Variants in DOCK3 observed in about 807,000 individuals in gnomAD.
The protein encoded by DOCK3 is dedicator of cytokinesis 3, also known as dedicator of cytokinesis protein 3.
In DOCK3, 60 loss-of-function variants were observed where a neutral mutation model predicts 265.6. The ratio of observed to expected loss-of-function variants is 0.23; its 90% CI spans 0.18 to 0.28. The LOEUF (loss-of-function observed/expected upper bound fraction) is 0.28, where lower values mean the gene tolerates loss of function less well. Among genes scored for constraint, DOCK3 ranks in the 10% least tolerant of loss-of-function variants. The pLI is 1.00. For missense variants in DOCK3, 1,981 were observed against 2,594.3 expected (o/e 0.76, Z 5.14); for synonymous variants, 881 against 938.0 (o/e 0.94, Z 1.11).
intron 5 of DOCK3, among the ~76,000 whole-genome samples, chr3:50,970,422 T>G (rs892406224): frequency 2.6e-5 from 4 of 152,180 alleles, no homozygotes; most frequent in African/African-American, 9.6e-5. Context: ...ATTTGGAATA[T>G]TTATAACACA....
At chr3:51,221,190 C>T (rs1464270501) in intron 14 of DOCK3, among the ~76,000 whole-genome samples, 2 of 152,174 alleles carry the variant, frequency 1.3e-5, no homozygotes, top group South Asian at 2.1e-4. Flanking sequence ...CCATAAGCAC[C>T]TCTGAGTATT....
At chr3:50,745,025 C>G (rs937646599) in intron 1 of DOCK3, among the ~76,000 whole-genome samples, 3 of 152,078 alleles carry the variant, frequency 2.0e-5, no homozygotes, top group African/African-American at 7.2e-5. Flanking sequence ...TTTTTCAAGA[C>G]TGTTTGGCTA....
At position 51,064,502 on chromosome 3, in the gene DOCK3, G is replaced by C. The variant is rs757391048; in HGVS notation, c.370G>C (p.Asp124His). The stretch of plus-strand genomic sequence containing the variant: ...ACGCCATGTGATGAATGAACTTATT[G>C]ACCTGCGAAGGCAGCTACTGTCTGG... The part of the protein sequence containing the change: ...KLRHVMNELI[D>H]LRRQLLSGHL... The change falls in exon 6 of 53, where the codon GAC (aspartate) becomes CAC (histidine). Residue 124 changes from aspartate (D) to histidine (H), a missense_variant. Asp to His is a moderately conservative substitution (Grantham distance 81). Around this residue, in one of 4 missense-constraint regions of DOCK3, gnomAD observed 456 missense variants for 539.0 expected, o/e 0.85. Transcript: ENST00000266037. The C allele has an allele frequency of 1.2e-6, 2 of 1,613,888 alleles. No homozygotes were observed. The highest frequency in any genetic ancestry group is 1.7e-6 in the Non-Finnish European group (2 of 1,179,848).
chr3:50,861,755 C>A (rs2046921013), intron 3 of DOCK3, among the ~76,000 whole-genome samples: 1 of 146,696 alleles, frequency 6.8e-6, no homozygotes, highest in African/African-American at 2.5e-5. Context: ...CCCCTGCTCT[C>A]TCTTTTTTTT....
At chr3:50,957,608 C>T (rs1029412265) in intron 5 of DOCK3, among the ~76,000 whole-genome samples, 1 of 152,134 alleles carries the variant, frequency 6.6e-6, no homozygotes, top group African/African-American at 2.4e-5. Flanking sequence ...AAAGTAGAAC[C>T]AAACGTTTCA....
At chr3:50,975,350 AG>A (rs1391493077) in intron 5 of DOCK3, among the ~76,000 whole-genome samples, 8 of 150,908 alleles carry the variant, frequency 5.3e-5, no homozygotes, top group African/African-American at 9.7e-5. Flanking sequence ...TTTAGCATGA[AG>A]GGTTGTTGAA....
chr3:50,806,021 G>C (rs1167540817), intron 2 of DOCK3, among the ~76,000 whole-genome samples: 1 of 151,676 alleles, frequency 6.6e-6, no homozygotes, highest in Non-Finnish European at 1.5e-5. Flanking sequence ...AGCTGGCCTG[G>C]GGGTGCTTCT....
chr3:51,012,332 T>G (rs1412155249), intron 5 of DOCK3, among the ~76,000 whole-genome samples: 2 of 152,152 alleles, frequency 1.3e-5, no homozygotes, highest in Non-Finnish European at 2.9e-5. Context: ...TTTTACCTAC[T>G]CAAGCCTCAG....
At chr3:50,949,385 A>G (rs1052544012) in intron 5 of DOCK3, among the ~76,000 whole-genome samples, 3 of 152,208 alleles carry the variant, frequency 2.0e-5, no homozygotes, top group Non-Finnish European at 2.9e-5. Flanking sequence ...ATAATGACCA[A>G]TGAAAAGATA....
At chr3:51,025,598 C>G (rs933654619) in intron 5 of DOCK3, among the ~76,000 whole-genome samples, 2 of 152,202 alleles carry the variant, frequency 1.3e-5, no homozygotes, top group African/African-American at 4.8e-5. Context: ...TCACTTCCTG[C>G]TCATTCCCCA....
intron 9 of DOCK3, among the ~76,000 whole-genome samples, chr3:51,142,914 T>C (rs1243493857): frequency 1.3e-5 from 2 of 152,096 alleles, no homozygotes; most frequent in Non-Finnish European, 2.9e-5. Context: ...GAGACGGAGT[T>C]TCTCTCTTGT....
chr3:51,174,791 G>T (rs958676040), intron 12 of DOCK3, among the ~76,000 whole-genome samples: 3 of 152,158 alleles, frequency 2.0e-5, no homozygotes, highest in African/African-American at 7.2e-5. Context: ...AGACTAATGG[G>T]AATACTTCTC....
At chr3:51,085,751 C>CTAA (rs2082395345) in intron 7 of DOCK3, among the ~76,000 whole-genome samples, 1 of 151,664 alleles carries the variant, frequency 6.6e-6, no homozygotes, top group African/African-American at 2.4e-5. Flanking sequence ...TAATGGTGTG[C>CTAA]CTTAAGGACC....
At chr3:50,742,655 A>T (rs975384513) in intron 1 of DOCK3, among the ~76,000 whole-genome samples, 1 of 151,614 alleles carries the variant, frequency 6.6e-6, no homozygotes, top group Non-Finnish European at 1.5e-5. Context: ...AAAAAAGAAT[A>T]AAAAGAAACG....
At chr3:50,719,427 C>T (rs1327747278) in intron 1 of DOCK3, 6 of 622,828 alleles carry the variant, frequency 9.6e-6, no homozygotes, top group Non-Finnish European at 5.7e-6. Context: ...GGGGTGCTCT[C>T]CTGAGCTACG....
chr3:51,185,598 G>T (rs2087551438), intron 12 of DOCK3, among the ~76,000 whole-genome samples: 1 of 152,138 alleles, frequency 6.6e-6, no homozygotes, highest in Admixed American at 6.6e-5. Context: ...CTCTCTCTCA[G>T]GGTAACTGAT....
At chr3:51,063,336 T>C (rs955009957) in intron 5 of DOCK3, among the ~76,000 whole-genome samples, 4 of 152,168 alleles carry the variant, frequency 2.6e-5, no homozygotes, top group Non-Finnish European at 4.4e-5. Flanking sequence ...CACTCCAACC[T>C]GGGAGAGAGT....
intron 4 of DOCK3, among the ~76,000 whole-genome samples, chr3:50,910,404 C>G (rs931006131): frequency 2.0e-5 from 3 of 152,124 alleles, no homozygotes; most frequent in African/African-American, 7.2e-5. Flanking sequence ...TTTGGCTGCC[C>G]CATCTCATGT....
chr3:50,863,545 C>G (rs1261517384), intron 3 of DOCK3: 2 of 422,272 alleles, frequency 4.7e-6, no homozygotes, highest in African/African-American at 4.1e-5. Flanking sequence ...TTGCTAGACT[C>G]TCGATGCTTT....
Sources: allele counts gnomAD v4.1 joint callset (sites outside exome capture counted in the v4.1 genomes callset), GRCh38; gene constraint gnomAD v4.1.1; regional missense constraint gnomAD v4.1.1; transcripts MANE v1.5; gene names NCBI Gene and HGNC (gene_info 2026-07-23, HGNC 2026-07-21).